The following PCDHGA8 variants were observed in gnomAD, a reference collection of about 807,000 sequenced individuals.
The protein encoded by PCDHGA8 is protocadherin gamma-A8.
PCDHGA8 carries 45 observed loss-of-function variants against 59.2 expected under a neutral mutation model. That is an observed-to-expected ratio of 0.76 (90% CI 0.60 to 0.98). The LOEUF (loss-of-function observed/expected upper bound fraction) is 0.98. Ranked by LOEUF, PCDHGA8 falls within the 50% of genes least tolerant of loss-of-function variation. The pLI is 0.00. For missense variants in PCDHGA8, 1,257 were observed against 1,196.2 expected, an observed-to-expected ratio of 1.05 and a Z score of -0.75; for synonymous variants, 531 against 519.0, an observed-to-expected ratio of 1.02 and a Z score of -0.32.
At chr5:141,433,363 CTA>C (rs2097590674) in intron 1 of PCDHGA8, 2 of 463,314 alleles carry the variant, frequency 4.3e-6, no homozygotes, top group African/African-American at 5.6e-5. Flanking sequence ...GTCTGCCTAT[CTA>C]TCTATCTATC....
At chr5:141,483,329 A>C (rs1463046335) in intron 1 of PCDHGA8, among the ~76,000 whole-genome samples, 3 of 152,182 alleles carry the variant, frequency 2.0e-5, no homozygotes, top group Non-Finnish European at 2.9e-5. Flanking sequence ...GGAGGCAAAG[A>C]GATCTTATCT....
chr5:141,467,409 C>T (rs2099143590), intron 1 of PCDHGA8, among the ~76,000 whole-genome samples: 1 of 152,132 alleles, frequency 6.6e-6, no homozygotes, highest in South Asian at 2.1e-4. Context: ...GAAAGCCTTT[C>T]CCCACACCTA....
At chr5:141,475,992 C>A in intron 1 of PCDHGA8, 1 of 1,158,844 alleles carries the variant, frequency 8.6e-7, no homozygotes, top group Non-Finnish European at 1.2e-6. Context: ...GCGAGCAAAT[C>A]AACGGCATCC....
chr5:141,441,882 C>A, intron 1 of PCDHGA8: 1 of 343,664 alleles, frequency 2.9e-6, no homozygotes, highest in South Asian at 2.6e-5. Context: ...GCTACCTGGT[C>A]ACCAAGGTGG....
chr5:141,419,494 T>A, intron 1 of PCDHGA8: 1 of 1,612,380 alleles, frequency 6.2e-7, no homozygotes, highest in Non-Finnish European at 8.5e-7. Context: ...TCAGCGCCAA[T>A]GTGAGCCTGC....
chr5:141,409,462 C>T (rs377705841), intron 1 of PCDHGA8: 3 of 1,613,988 alleles, frequency 1.9e-6, no homozygotes, highest in Non-Finnish European at 2.5e-6. Flanking sequence ...AATACAATGT[C>T]ACCATCGTAG....
At chr5:141,405,024 T>C in intron 1 of PCDHGA8, 1 of 1,613,920 alleles carries the variant, frequency 6.2e-7, no homozygotes, top group Non-Finnish European at 8.5e-7. Flanking sequence ...GACCTTACCC[T>C]CTACCTCGTT....
At position 141,477,596 on chromosome 5, in the gene PCDHGA8, T is replaced by G. The variant is rs1364779381; in HGVS notation, c.2425-17211T>G. ...CGCCCCGCAGAATGCTCGGCTTTCTTTCTTTCTCTTGGAGCAAGGAGCTGA... is the reference window on the plus strand; with the variant it reads ...CGCCCCGCAGAATGCTCGGCTTTCTGTCTTTCTCTTGGAGCAAGGAGCTGA... On this transcript the variant is annotated intron_variant, in intron 1 of 3. Transcript: ENST00000398604. This position sits in a 1 kb window ranked among gnomAD's most constrained non-coding sequence, Gnocchi z 4.9. The G allele has an allele frequency of 6.2e-7, 1 of 1,614,184 alleles. No individual in the cohort carries two copies. The highest frequency in any genetic ancestry group is 1.1e-5 in the South Asian group (1 of 91,086).
chr5:141,428,106 C>T, intron 1 of PCDHGA8: 1 of 1,608,152 alleles, frequency 6.2e-7, no homozygotes. Context: ...CCACGTGCTG[C>T]AGGCCATCGA....
intron 1 of PCDHGA8, among the ~76,000 whole-genome samples, chr5:141,463,124 T>C (rs2099053100): frequency 6.6e-6 from 1 of 152,174 alleles, no homozygotes; most frequent in African/African-American, 2.4e-5. Context: ...AATAGCTCCC[T>C]GGCAGTTCTT....
chr5:141,417,760 C>A, intron 1 of PCDHGA8: 1 of 1,438,808 alleles, frequency 7.0e-7, no homozygotes, highest in South Asian at 1.5e-5. Context: ...GCTCCGAGAC[C>A]CGGGACTCCT....
chr5:141,496,225 G>C (rs112222482), intron 2 of PCDHGA8, among the ~76,000 whole-genome samples: 178 of 152,276 alleles, frequency 1.2e-3, no homozygotes, highest in Non-Finnish European at 1.8e-3. Context: ...TGCTGAGACA[G>C]GAACCCCCTG....
chr5:141,431,162 G>C lies in PCDHGA8; in HGVS notation c.2424+35925G>C, dbSNP rs757521794. The C allele has an allele frequency of 3.1e-6, 5 of 1,614,246 alleles. No homozygotes were observed. The South Asian group carries it at 5.5e-5, about 18-fold the overall frequency. On this transcript the variant is annotated intron_variant, in intron 1 of 3. Coordinates refer to ENST00000398604, the MANE Select transcript of PCDHGA8 (RefSeq NM_032088.2). The surrounding 1 kb of genome is among the most constrained non-coding windows in gnomAD (Gnocchi z 4.8). Reference sequence around the variant, plus strand: ...TAACGACAATGCGCCTTACTTTCGTGAAAGTGAATTAGAAATAAAAATTAG... The same window carrying C: ...TAACGACAATGCGCCTTACTTTCGTCAAAGTGAATTAGAAATAAAAATTAG...
chr5:141,477,010 C>G lies in PCDHGA8; in HGVS notation c.2425-17797C>G. On this transcript the variant is annotated intron_variant, in intron 1 of 3. Coordinates refer to ENST00000398604, the MANE Select transcript of PCDHGA8 (RefSeq NM_032088.2). This position sits in a 1 kb window ranked among gnomAD's most constrained non-coding sequence, Gnocchi z 4.9. ...GCGTGCGGCAACTATTCGCCTTAGA[C>G]CTTGTAACCGGGATGCTGACAATCA... 4 of 1,614,260 alleles carry G rather than the reference C, an allele frequency of 2.5e-6. No homozygotes were observed. Among genetic ancestry groups the G allele is most frequent in the Non-Finnish European group, 2.5e-6 (3 of 1,180,052 alleles).
rs187873649 is a variant in PCDHGA8, at chr5:141,469,715, G to A, written c.2425-25092G>A. ...TATGACCTAGTAATCACACTATTAG[G>A]AATTTATCATAAATACACACCTCAA... On this transcript the variant is annotated intron_variant, in intron 1 of 3. Coordinates refer to ENST00000398604, the MANE Select transcript of PCDHGA8 (RefSeq NM_032088.2). Among the ~76,000 whole-genome samples, 552 of 152,160 alleles carry A rather than the reference G, an allele frequency of 3.6e-3. 1 individual carries two copies. Among genetic ancestry groups the A allele is most frequent in the Non-Finnish European group, 5.8e-3 (397 of 68,008 alleles).
intron 1 of PCDHGA8, among the ~76,000 whole-genome samples, chr5:141,467,820 G>T (rs1278112158): frequency 6.6e-6 from 1 of 151,884 alleles, no homozygotes; most frequent in African/African-American, 2.4e-5. Flanking sequence ...CACCACACCA[G>T]GCTGATTTTT....
intron 1 of PCDHGA8, chr5:141,428,064 G>A: frequency 6.2e-7 from 1 of 1,609,060 alleles, no homozygotes; most frequent in East Asian, 2.2e-5. Flanking sequence ...GGCGGTGGAC[G>A]CAGATTCGGG....
chr5:141,429,861 A>G (rs1483953460), intron 1 of PCDHGA8, among the ~76,000 whole-genome samples: 1 of 152,226 alleles, frequency 6.6e-6, no homozygotes, highest in Non-Finnish European at 1.5e-5. Flanking sequence ...TCTTTGGACT[A>G]CCAATTTTCT....
intron 1 of PCDHGA8, chr5:141,423,652 A>G (rs746768292): frequency 1.9e-6 from 3 of 1,583,268 alleles, no homozygotes; most frequent in Non-Finnish European, 2.6e-6. Flanking sequence ...TGACCCGACA[A>G]GTAATCAGGT....
Sources: allele counts gnomAD v4.1 joint callset (sites outside exome capture counted in the v4.1 genomes callset), GRCh38; gene constraint gnomAD v4.1.1; non-coding constraint Gnocchi (gnomAD v3.1); transcripts MANE v1.5; gene names NCBI Gene and HGNC (gene_info 2026-07-23, HGNC 2026-07-21).